TSPAN13: variants seen among roughly 807,000 people sequenced by gnomAD.
The protein encoded by TSPAN13 is tetraspanin-13.
A neutral mutation model predicts 26.9 loss-of-function variants in TSPAN13; 18 were observed. The ratio of observed to expected loss-of-function variants is 0.67; its 90% confidence interval spans 0.46 to 0.99. The LOEUF (loss-of-function observed/expected upper bound fraction) is 0.99, where lower values mean the gene tolerates loss of function less well. Ranked by LOEUF, TSPAN13 falls within the 50% of genes least tolerant of loss-of-function variation. The probability of loss-of-function intolerance (pLI) is 0.00; values close to 1 mark genes in which losing one functional copy is unlikely to be tolerated. For synonymous variants in TSPAN13, 116 were observed against 98.4 expected, an observed-to-expected ratio of 1.18 and a Z score of -1.06; for missense variants, 201 against 249.6, an observed-to-expected ratio of 0.81 and a Z score of 1.31.
At chr7:16,767,421 A>G (rs1784618514) in intron 1 of TSPAN13, among the ~76,000 whole-genome samples, 1 of 152,150 alleles carries the variant, frequency 6.6e-6, no homozygotes. Context: ...TTTGTATTCT[A>G]TTGTGTGATC....
intron 1 of TSPAN13, among the ~76,000 whole-genome samples, chr7:16,767,316 A>G (rs1784616341): frequency 6.6e-6 from 1 of 152,226 alleles, no homozygotes. Context: ...GAAAATTTAT[A>G]TAAATGGTAT....
chr7:16,779,029 C>T lies in TSPAN13; in HGVS notation c.453C>T (p.Cys151=). ...LASCVKSDHS[C]SPCAPIIGEY... ...GCTGTGTTAAAAGTGACCACTCGTG[C>T]TCGCCATGTGCTCCAATCATAGGAG... The change falls in exon 5 of 6, where the codon TGC becomes TGT. Residue 151 remains cysteine, a synonymous_variant. Coordinates refer to ENST00000262067, the MANE Select transcript of TSPAN13 (RefSeq NM_014399.4). 1.9e-6 allele frequency: 3 copies of T among 1,613,810 alleles called. No homozygotes were observed. The highest frequency in any genetic ancestry group is 2.5e-6 in the Non-Finnish European group (3 of 1,179,866).
intron 1 of TSPAN13, among the ~76,000 whole-genome samples, chr7:16,762,397 C>T (rs935708150): frequency 9.2e-5 from 14 of 152,106 alleles, no homozygotes; most frequent in Non-Finnish European, 2.1e-4. Flanking sequence ...GTGTAGAAGG[C>T]CCATCAGAAT....
At chr7:16,759,321 A>C (rs1293789150) in intron 1 of TSPAN13, among the ~76,000 whole-genome samples, 1 of 152,174 alleles carries the variant, frequency 6.6e-6, no homozygotes, top group South Asian at 2.1e-4. Context: ...TGAGGGCCCC[A>C]GGAAGCTTAC....
chr7:16,768,292 C>A (rs1173406996), intron 1 of TSPAN13, among the ~76,000 whole-genome samples: 1 of 152,166 alleles, frequency 6.6e-6, no homozygotes, highest in East Asian at 1.9e-4. Flanking sequence ...TCGTATTTTT[C>A]ACTGTACAGT....
intron 5 of TSPAN13, among the ~76,000 whole-genome samples, chr7:16,781,406 C>T (rs781097367): frequency 4.6e-5 from 7 of 152,096 alleles, no homozygotes; most frequent in Middle Eastern, 3.2e-3. Flanking sequence ...TTCTAGAGAC[C>T]GCAGAGTTGA....
intron 1 of TSPAN13, among the ~76,000 whole-genome samples, chr7:16,773,604 T>C (rs773779079): frequency 4.6e-5 from 7 of 152,210 alleles, no homozygotes; most frequent in Admixed American, 3.3e-4. Context: ...GTCTCTGGCT[T>C]TTAGCACATA....
chr7:16,762,993 A>G (rs971327400), intron 1 of TSPAN13, among the ~76,000 whole-genome samples: 1 of 152,086 alleles, frequency 6.6e-6, no homozygotes, highest in African/African-American at 2.4e-5. Flanking sequence ...ACCCCTGAAA[A>G]TCTCCTCATC....
At chr7:16,766,378 C>T (rs1397801509) in intron 1 of TSPAN13, among the ~76,000 whole-genome samples, 1 of 152,144 alleles carries the variant, frequency 6.6e-6, no homozygotes, top group Non-Finnish European at 1.5e-5. Flanking sequence ...GGGAATGGCC[C>T]TTACAAATGA....
intron 1 of TSPAN13, among the ~76,000 whole-genome samples, chr7:16,761,560 T>C (rs1149519): frequency 0.44 from 66,350 of 151,814 alleles, 15,293 homozygotes; most frequent in African/African-American, 0.57. Flanking sequence ...ACTCTGTCAC[T>C]AAGGCTGGAG....
In TSPAN13 at chr7:16,783,494, A is replaced by G. The variant is rs2115340990; in HGVS notation, c.*3A>G. 5 of 1,612,362 alleles carry G rather than the reference A, an allele frequency of 3.1e-6. No individual in the cohort carries two copies. The highest frequency in any genetic ancestry group is 4.2e-6 in the Non-Finnish European group (5 of 1,178,498). ...CGAATCCTAGTGCATTCCTTTGATG[A>G]GAAAACAAGGAAGATTTCCTTTCGT... On this transcript the variant is annotated 3_prime_UTR_variant, in exon 6 of 6. Transcript: ENST00000262067.
intron 1 of TSPAN13, among the ~76,000 whole-genome samples, chr7:16,757,645 C>T (rs1174906385): frequency 6.6e-6 from 1 of 152,092 alleles, no homozygotes; most frequent in Non-Finnish European, 1.5e-5. Flanking sequence ...AGTTTTGTTT[C>T]TCCTGTGTGT....
Position 16,776,253 on chromosome 7 carries a change from G to A in TSPAN13, c.106G>A (p.Gly36Ser), listed in dbSNP as rs1243416615. Residue 36 changes from glycine (G) to serine (S), a missense_variant, in exon 2 of 6, where the codon GGC becomes AGC. Physicochemically the swap from Gly to Ser is moderately conservative, Grantham distance 56 (BLOSUM62 0). Coordinates refer to ENST00000262067, the MANE Select transcript of TSPAN13 (RefSeq NM_014399.4). ...AATTGGAATTGCTGCGTGGGGCATT[G>A]GCTTCGGGCTGATTTCCAGTCTCCG... ...LLIGIAAWGI[G>S]FGLISSLRVV... The A allele has an allele frequency of 1.2e-6, 2 of 1,613,932 alleles. No individual in the cohort carries two copies. The highest frequency in any genetic ancestry group is 1.7e-6 in the Non-Finnish European group (2 of 1,180,008).
intron 5 of TSPAN13, among the ~76,000 whole-genome samples, chr7:16,782,914 C>T (rs1310367968): frequency 2.0e-5 from 3 of 152,204 alleles, no homozygotes; most frequent in Non-Finnish European, 1.5e-5. Context: ...AAGGTACCTT[C>T]TGGAGGCCAG....
intron 1 of TSPAN13, among the ~76,000 whole-genome samples, chr7:16,770,895 T>C (rs1224329134): frequency 6.6e-6 from 1 of 152,234 alleles, no homozygotes; most frequent in African/African-American, 2.4e-5. Flanking sequence ...TCTTGTTTGA[T>C]AGGCTCGTGT....
intron 1 of TSPAN13, among the ~76,000 whole-genome samples, chr7:16,754,248 GTC>G (rs1396326156): frequency 6.6e-6 from 1 of 152,174 alleles, no homozygotes; most frequent in African/African-American, 2.4e-5. Context: ...TGAAGCCGCG[GTC>G]TCTCAGGCTC....
In TSPAN13 at chr7:16,783,391, ACTTTAT is replaced by A. The variant is rs1562522516; in HGVS notation, c.541-25_541-20del. On this transcript the variant is annotated intron_variant, in intron 5 of 5. Transcript: ENST00000262067. ...CATAAATGTTACTTTCTTTTTCTTT[ACTTTAT>A]TTTTTTTTCCCCATTCCAGATCCTG... 3 of 1,600,002 alleles carry A rather than the reference ACTTTAT, an allele frequency of 1.9e-6. No individual in the cohort carries two copies. Among genetic ancestry groups the A allele is most frequent in the Middle Eastern group, 1.7e-4 (1 of 6,022 alleles).
At chr7:16,770,347 A>T (rs965208896) in intron 1 of TSPAN13, among the ~76,000 whole-genome samples, 1 of 152,014 alleles carries the variant, frequency 6.6e-6, no homozygotes, top group African/African-American at 2.4e-5. Flanking sequence ...CTGGGATTAC[A>T]GGTGCCCACC....
intron 1 of TSPAN13, among the ~76,000 whole-genome samples, chr7:16,771,425 A>G (rs1460526748): frequency 6.6e-6 from 1 of 152,234 alleles, no homozygotes; most frequent in Admixed American, 6.5e-5. Flanking sequence ...AGGACTTTGA[A>G]GATGTGATTA....
Sources: gnomAD v4.1 joint callset for allele counts (sites outside exome capture counted in the v4.1 genomes callset) on GRCh38, gnomAD v4.1.1 for gene constraint, MANE v1.5 for transcripts, NCBI Gene and HGNC (gene_info 2026-07-23, HGNC 2026-07-21) for gene names.